Variants in PLPPR4 observed in about 807,000 individuals in gnomAD.
PLPPR4 encodes phospholipid phosphatase-related protein type 4.
PLPPR4 carries 24 observed loss-of-function variants against 56.6 expected under a neutral mutation model. That is an observed-to-expected ratio of 0.42 (90% CI 0.31 to 0.60). The LOEUF (loss-of-function observed/expected upper bound fraction) is 0.60. PLPPR4 is among the 20% of genes least tolerant of loss of function. The pLI is 0.13. For missense variants in PLPPR4, 654 were observed against 885.8 expected, an observed-to-expected ratio of 0.74 and a Z score of 3.32; for synonymous variants, 326 against 328.1, an observed-to-expected ratio of 0.99 and a Z score of 0.07.
At chr1:99,296,986 A>G in intron 3 of PLPPR4, 119 bp downstream of exon 3, 2 of 1,073,760 alleles carry the variant, frequency 1.9e-6, no homozygotes, top group Non-Finnish European at 2.5e-6. Flanking sequence ...TCAGTACATG[A>G]TGAGTTTTAT....
intron 1 of PLPPR4, among the ~76,000 whole-genome samples, chr1:99,281,010 G>T (rs1334092460): frequency 2.6e-5 from 4 of 152,116 alleles, no homozygotes; most frequent in Non-Finnish European, 5.9e-5. Flanking sequence ...CATTGTGGAG[G>T]ATGAAACAAA....
chr1:99,269,096 C>A (rs1222916926), intron 1 of PLPPR4, among the ~76,000 whole-genome samples: 1 of 152,082 alleles, frequency 6.6e-6, no homozygotes, highest in Non-Finnish European at 1.5e-5. Flanking sequence ...CCCCCACAGG[C>A]CCTGGTGTGT....
At chr1:99,277,070 G>T (rs1473847287) in intron 1 of PLPPR4, among the ~76,000 whole-genome samples, 2 of 150,332 alleles carry the variant, frequency 1.3e-5, no homozygotes, top group African/African-American at 4.8e-5. Flanking sequence ...TCCAGAAAGT[G>T]AACAAGCAAA....
chr1:99,288,138 A>G lies in PLPPR4; in HGVS notation c.252A>G (p.Gly84=). 1.9e-6 allele frequency: 3 copies of G among 1,613,218 alleles called. No homozygotes were observed. The highest frequency in any genetic ancestry group is 2.5e-6 in the Non-Finnish European group (3 of 1,179,598). ...TGTTGCTTAGCTTGGCTTTTGCTGG[A>G]CCTGCAATTACGGTAAGAATTACCC... The part of the protein sequence containing the change: ...FLMLLSLAFA[G]PAITIMVGEG... The change falls in exon 2 of 7, where the codon GGA becomes GGG. Residue 84 remains glycine (G), a synonymous_variant. Coordinates refer to ENST00000370185, the MANE Select transcript of PLPPR4 (RefSeq NM_014839.5).
At chr1:99,288,211 G>A (rs1659521319) in intron 2 of PLPPR4, 61 bp downstream of exon 2, 1 of 1,463,702 alleles carries the variant, frequency 6.8e-7, no homozygotes, top group African/African-American at 1.4e-5. Flanking sequence ...CACCACATTT[G>A]TATAATAAAT....
At chr1:99,296,502 GTACATGAGAGTCCAGAAGACCCTACAAAA>G in intron 2 of PLPPR4, among the ~76,000 whole-genome samples, 1 of 152,258 alleles carries the variant, frequency 6.6e-6, no homozygotes, top group East Asian at 1.9e-4. Flanking sequence ...AAATGTTCCA[GTACATGAGAGTCCAGAAGACCCTACAAAA>G]TCTCATTAGA....
At chr1:99,264,341 G>T (rs763951230), upstream of PLPPR4, 20 of 947,734 alleles carry the variant, frequency 2.1e-5, no homozygotes, top group South Asian at 3.1e-4. Context: ...GTCGTCTCTC[G>T]CCAGAAAAAC....
At chr1:99,275,899 A>T (rs1375025617) in intron 1 of PLPPR4, among the ~76,000 whole-genome samples, 1 of 152,116 alleles carries the variant, frequency 6.6e-6, no homozygotes. Flanking sequence ...GCAGCACAGT[A>T]GGGAGAGGGA....
intron 1 of PLPPR4, among the ~76,000 whole-genome samples, chr1:99,274,346 G>A (rs746383127): frequency 1.3e-5 from 2 of 151,798 alleles, no homozygotes; most frequent in Non-Finnish European, 2.9e-5. Context: ...ATAAAATATG[G>A]CCAAGAATTC....
intron 1 of PLPPR4, among the ~76,000 whole-genome samples, chr1:99,287,004 C>T (rs992151389): frequency 9.2e-5 from 14 of 152,068 alleles, no homozygotes; most frequent in Non-Finnish European, 1.6e-4. Flanking sequence ...TGGTTTGCTG[C>T]ACCTATTGAC....
intron 2 of PLPPR4, among the ~76,000 whole-genome samples, chr1:99,292,680 C>T (rs1659651914): frequency 6.6e-6 from 1 of 152,146 alleles, no homozygotes; most frequent in Admixed American, 6.6e-5. Flanking sequence ...TTTAGGTAAC[C>T]AACTGGATGG....
chr1:99,290,494 A>G (rs1364175310), intron 2 of PLPPR4, among the ~76,000 whole-genome samples: 2 of 152,162 alleles, frequency 1.3e-5, no homozygotes, highest in African/African-American at 2.4e-5. Flanking sequence ...AGGTAATCCT[A>G]AGAAAAAAGA....
chr1:99,304,449 A>G (rs1378736104), intron 6 of PLPPR4, among the ~76,000 whole-genome samples: 1 of 152,210 alleles, frequency 6.6e-6, no homozygotes, highest in Non-Finnish European at 1.5e-5. Flanking sequence ...TCATTAAATG[A>G]CACATGGCTG....
chr1:99,284,597 T>C (rs2100795500), intron 1 of PLPPR4, among the ~76,000 whole-genome samples: 1 of 151,806 alleles, frequency 6.6e-6, no homozygotes, highest in Non-Finnish European at 1.5e-5. Flanking sequence ...AGATTCTTAT[T>C]AGGAAAACAA....
chr1:99,291,352 T>G (rs993351418), intron 2 of PLPPR4, among the ~76,000 whole-genome samples: 1 of 152,078 alleles, frequency 6.6e-6, no homozygotes, highest in Non-Finnish European at 1.5e-5. Flanking sequence ...TCAACCATTG[T>G]GAAAGACAGA....
chr1:99,294,395 CA>C (rs1401624681), intron 2 of PLPPR4, among the ~76,000 whole-genome samples: 6 of 152,096 alleles, frequency 3.9e-5, no homozygotes, highest in African/African-American at 1.4e-4. Flanking sequence ...CATATTCAAA[CA>C]ACTAAAATAA....
intron 1 of PLPPR4, among the ~76,000 whole-genome samples, chr1:99,265,277 T>C (rs1658866769): frequency 6.6e-6 from 1 of 152,110 alleles, no homozygotes; most frequent in Non-Finnish European, 1.5e-5. Context: ...ACATATTATA[T>C]ATGTGTGTAT....
intron 2 of PLPPR4, among the ~76,000 whole-genome samples, chr1:99,295,370 T>TA (rs1659717054): frequency 1.3e-5 from 2 of 152,198 alleles, no homozygotes; most frequent in African/African-American, 4.8e-5. Context: ...ATTAGATTTT[T>TA]TAAAAAAAAC....
In PLPPR4 at chr1:99,295,462, C is replaced by A. The variant is rs372913021; in HGVS notation, c.265-1276C>A. On this transcript the variant is annotated intron_variant, in intron 2 of 6. Coordinates refer to ENST00000370185, the MANE Select transcript of PLPPR4 (RefSeq NM_014839.5). Reference sequence around the variant, plus strand: ...TTTTCTATGGAAAACCTGTTTCAGTCCAAATCAGGTTTATAGTATTTACAG... The same window carrying A: ...TTTTCTATGGAAAACCTGTTTCAGTACAAATCAGGTTTATAGTATTTACAG... Among the ~76,000 whole-genome samples the A allele has an allele frequency of 1.8e-3, 269 of 152,152 alleles. 4 individuals are homozygous for A. The highest frequency in any genetic ancestry group is 4.4e-3 in the South Asian group (21 of 4,812).
Sources: gnomAD v4.1 joint callset for allele counts (sites outside exome capture counted in the v4.1 genomes callset) on GRCh38, gnomAD v4.1.1 for gene constraint, MANE v1.5 for transcripts, NCBI Gene and HGNC (gene_info 2026-07-23, HGNC 2026-07-21) for gene names.